The following FCHSD2 variants were observed in gnomAD, a reference collection of about 807,000 sequenced individuals.
FCHSD2 encodes F-BAR and double SH3 domains protein 2.
FCHSD2 carries 38 observed loss-of-function variants against 108.1 expected under a neutral mutation model. The observed-to-expected ratio is 0.35, with a 90% CI of 0.27 to 0.46. FCHSD2 has a LOEUF of 0.46. Ranked by LOEUF, FCHSD2 falls within the 20% of genes least tolerant of loss-of-function variation. The pLI, the probability that FCHSD2 is intolerant of heterozygous loss-of-function variation, is 1.00. For missense variants in FCHSD2, 751 were observed against 897.8 expected, an observed-to-expected ratio of 0.84 and a Z score of 2.09; for synonymous variants, 279 against 314.7, an observed-to-expected ratio of 0.89 and a Z score of 1.20.
chr11:72,922,370 T>C (rs1193581236), intron 8 of FCHSD2, among the ~76,000 whole-genome samples: 1 of 152,172 alleles, frequency 6.6e-6, no homozygotes, highest in Non-Finnish European at 1.5e-5. Flanking sequence ...TATACATTGG[T>C]ATATGTATAT....
intron 4 of FCHSD2, among the ~76,000 whole-genome samples, chr11:73,009,050 A>AG (rs1363795979): frequency 1.3e-5 from 2 of 152,130 alleles, no homozygotes; most frequent in African/African-American, 4.8e-5. Context: ...TAAAAAAAAA[A>AG]AAGGTCCAAG....
chr11:73,045,185 C>T (rs1465930372), intron 3 of FCHSD2, among the ~76,000 whole-genome samples: 1 of 152,004 alleles, frequency 6.6e-6, no homozygotes, highest in Non-Finnish European at 1.5e-5. Context: ...CATCACTGGC[C>T]ATCAGAGAAA....
intron 3 of FCHSD2, among the ~76,000 whole-genome samples, chr11:73,053,358 A>G (rs1446211546): frequency 6.6e-6 from 1 of 152,172 alleles, no homozygotes; most frequent in Non-Finnish European, 1.5e-5. Flanking sequence ...ATTCCACAGG[A>G]TAAATTATTG....
chr11:73,099,680 G>A (rs980115598), intron 2 of FCHSD2, among the ~76,000 whole-genome samples: 2 of 152,200 alleles, frequency 1.3e-5, no homozygotes, highest in African/African-American at 4.8e-5. Context: ...TAGGCTTAGC[G>A]GCGCTCACCA....
chr11:73,067,210 C>T (rs373949284), intron 3 of FCHSD2, among the ~76,000 whole-genome samples: 1 of 152,108 alleles, frequency 6.6e-6, no homozygotes, highest in Admixed American at 6.5e-5. Context: ...TGGAAACCAT[C>T]ATTCTCAGCA....
chr11:73,062,743 A>G (rs1337474647), intron 3 of FCHSD2, among the ~76,000 whole-genome samples: 1 of 152,216 alleles, frequency 6.6e-6, no homozygotes, highest in East Asian at 1.9e-4. Flanking sequence ...TACAGAAAAA[A>G]GAATAAAAAG....
Position 72,907,598 on chromosome 11 carries a change from G to GTTTT in FCHSD2, c.829-4961_829-4960insAAAA, listed in dbSNP as rs200788964. Among the ~76,000 whole-genome samples the GTTTT allele has an allele frequency of 4.4e-4, 32 of 72,706 alleles. 1 individual carries two copies. The highest frequency in any genetic ancestry group is 4.7e-4 in the East Asian group (1 of 2,134). The allele number at this position is 72,706 out of a possible 152,430, so 47.7% of individuals were successfully genotyped here. A position where few individuals can be genotyped will look rare whatever the true frequency, so the allele number is the denominator to read the frequency against. The stretch of plus-strand genomic sequence containing the variant: ...CTGCATCTATTGAGATAATCACGTG[G>GTTTT]GTTTTTTTTTTTTTTTTTTTTCTTG... On this transcript the variant is annotated intron_variant, in intron 9 of 19. Coordinates refer to ENST00000409418, the MANE Select transcript of FCHSD2 (RefSeq NM_014824.3).
chr11:72,887,679 C>T (rs1855227108), intron 11 of FCHSD2, 105 bp from the exon 12 acceptor site: 3 of 662,110 alleles, frequency 4.5e-6, no homozygotes, highest in African/African-American at 1.9e-5. Context: ...GACTAGTAGC[C>T]ATAATTTTTT....
intron 3 of FCHSD2, among the ~76,000 whole-genome samples, chr11:73,054,630 G>A (rs1189036079): frequency 6.7e-6 from 1 of 149,026 alleles, no homozygotes; most frequent in Non-Finnish European, 1.5e-5. Flanking sequence ...GGAGGTGGGG[G>A]AAACAAACAG....
At chr11:73,137,705 G>C (rs756124383) in intron 2 of FCHSD2, among the ~76,000 whole-genome samples, 19 of 152,196 alleles carry the variant, frequency 1.2e-4, no homozygotes, top group Non-Finnish European at 2.4e-4. Context: ...AGGTGAAAAA[G>C]TGGGAGGAAG....
intron 8 of FCHSD2, among the ~76,000 whole-genome samples, chr11:72,954,196 ATTTTTTT>A (rs57517075): frequency 1.8e-5 from 2 of 111,700 alleles, no homozygotes; most frequent in Non-Finnish European, 1.8e-5. Flanking sequence ...AGATGTGGGG[ATTTTTTT>A]TTTTTTTTTT....
intron 3 of FCHSD2, among the ~76,000 whole-genome samples, chr11:73,018,329 T>C (rs908275674): frequency 4.6e-5 from 7 of 152,190 alleles, no homozygotes; most frequent in African/African-American, 1.4e-4. Context: ...TCTAGGCAAG[T>C]TCTCATTCTT....
intron 2 of FCHSD2, among the ~76,000 whole-genome samples, chr11:73,134,388 T>G (rs1394349345): frequency 2.6e-5 from 4 of 152,068 alleles, no homozygotes; most frequent in African/African-American, 9.7e-5. Context: ...AAGGATCACT[T>G]AAGTCTGAGA....
At chr11:72,856,038 G>A (rs1861419547) in intron 13 of FCHSD2, among the ~76,000 whole-genome samples, 1 of 152,182 alleles carries the variant, frequency 6.6e-6, no homozygotes, top group Admixed American at 6.5e-5. Context: ...ACATACAAAA[G>A]CACCAATGTT....
chr11:73,133,668 C>A (rs978835725), intron 2 of FCHSD2, among the ~76,000 whole-genome samples: 6 of 151,670 alleles, frequency 4.0e-5, no homozygotes, highest in African/African-American at 2.4e-5. Flanking sequence ...CGGTGGCGGG[C>A]ACCTATAATC....
At chr11:72,983,901 T>G (rs1271618708) in intron 8 of FCHSD2, 187 bp downstream of exon 8, 5 of 683,918 alleles carry the variant, frequency 7.3e-6, no homozygotes, top group African/African-American at 1.8e-5. Flanking sequence ...AAACATTTTC[T>G]TAACTAAAAA....
chr11:73,127,534 A>T (rs1860886906), intron 2 of FCHSD2, among the ~76,000 whole-genome samples: 1 of 152,166 alleles, frequency 6.6e-6, no homozygotes, highest in African/African-American at 2.4e-5. Flanking sequence ...TATGCATCAG[A>T]TCACCCCTGA....
chr11:73,141,996 A>C lies in FCHSD2; in HGVS notation c.-119T>G, dbSNP rs796743202. ...GCGCGCGTGTGTGAAAGGAGCGCTT[A>C]AGAAGCAAGACTTGCCCCGGAGGGA... is the stretch of plus-strand genomic sequence containing the variant. On this transcript the variant is annotated 5_prime_UTR_variant, in exon 1 of 20. Transcript: ENST00000409418. 5 of 1,011,384 alleles carry C rather than the reference A, an allele frequency of 4.9e-6. No individual in the cohort carries two copies. The Admixed American group carries it at 9.8e-5, about 20-fold the overall frequency. 62.7% of individuals were successfully genotyped at this position (1,011,384 alleles called of 1,614,324 possible). A position where few individuals can be genotyped will look rare whatever the true frequency, so the allele number is the denominator to read the frequency against.
intron 8 of FCHSD2, chr11:72,940,489 T>C (rs1856393082): frequency 6.9e-6 from 5 of 729,346 alleles, no homozygotes; most frequent in Admixed American, 4.2e-5. Context: ...AGCCATCAGG[T>C]AAGCCAAGAT....
Sources: allele counts gnomAD v4.1 joint callset (sites outside exome capture counted in the v4.1 genomes callset), GRCh38; gene constraint gnomAD v4.1.1; transcripts MANE v1.5; gene names NCBI Gene and HGNC (gene_info 2026-07-23, HGNC 2026-07-21).